Variants in RYR1 observed in about 807,000 individuals in gnomAD.
The protein encoded by RYR1 is central core disease of muscle.
In RYR1, 342 loss-of-function variants were observed where a neutral mutation model predicts 583.5. The ratio of observed to expected loss-of-function variants is 0.59; its 90% CI spans 0.54 to 0.64. The LOEUF is 0.64. Ranked by LOEUF, RYR1 falls within the 30% of genes least tolerant of loss-of-function variation. The pLI is 0.00. For synonymous variants in RYR1, 2,791 were observed against 2,822.5 expected, an observed-to-expected ratio of 0.99 and a Z score of 0.35; for missense variants, 6,032 against 6,917.2, an observed-to-expected ratio of 0.87 and a Z score of 4.54.
At chr19:38,563,139 T>C (rs1197442313) in intron 90 of RYR1, among the ~76,000 whole-genome samples, 1 of 152,194 alleles carries the variant, frequency 6.6e-6, no homozygotes, top group Non-Finnish European at 1.5e-5. Flanking sequence ...CTTAGTGCTA[T>C]TCCTCCAAAC....
intron 90 of RYR1, 31 bp from the exon 91 acceptor site, chr19:38,564,928 G>A: frequency 1.9e-6 from 3 of 1,556,590 alleles, no homozygotes; most frequent in Middle Eastern, 1.9e-4. Context: ...CGCTGACGGC[G>A]CCCTATCCTG....
At chr19:38,526,510 C>A (rs1028448900) in intron 71 of RYR1, among the ~76,000 whole-genome samples, 16 of 152,000 alleles carry the variant, frequency 1.1e-4, no homozygotes, top group Non-Finnish European at 2.1e-4. Context: ...GCTCCATGGA[C>A]CCCTCACCTT....
At chr19:38,476,327 T>C (rs186607021) in intron 29 of RYR1, among the ~76,000 whole-genome samples, 41 of 152,258 alleles carry the variant, frequency 2.7e-4, no homozygotes, top group Non-Finnish European at 4.6e-4. Flanking sequence ...GCCTCCCAAG[T>C]AGCTGGGACT....
chr19:38,486,558 G>T (rs1433590178), intron 34 of RYR1, among the ~76,000 whole-genome samples: 1 of 152,086 alleles, frequency 6.6e-6, no homozygotes, highest in Non-Finnish European at 1.5e-5. Context: ...GGCCAGGCTG[G>T]TCTCAAACTC....
At chr19:38,580,252 G>T (rs1176622765) in intron 100 of RYR1, 118 bp from the exon 101 acceptor site, 2 of 1,589,114 alleles carry the variant, frequency 1.3e-6, no homozygotes, top group East Asian at 2.2e-5. Flanking sequence ...TGAGCCGGGG[G>T]TGTGTGGGGC....
rs1969708766 is a variant in RYR1 at position 38,494,457 on chromosome 19, A to G, written c.6380A>G (p.Gln2127Arg). Residue 2127 changes from glutamine (Q) to arginine (R), a missense_variant, in exon 39 of 106, where the codon CAG (glutamine) becomes CGG (arginine). By Grantham distance (43) the Gln-to-Arg change is conservative. This residue lies in a region of RYR1 where 2,627 missense variants were observed against 2,961.3 expected (regional missense o/e 0.89). Coordinates refer to ENST00000359596, the MANE Select transcript of RYR1 (RefSeq NM_000540.3). ...VRAMFSLLHR[Q>R]YDGLGELLRA... ...GCCATGTTCAGCCTCCTGCACCGGC[A>G]GTACGACGGGCTGGGTGAGCTGCTG... 1.9e-6 allele frequency: 3 copies of G among 1,612,728 alleles called. No individual in the cohort carries two copies. The highest frequency in any genetic ancestry group is 3.3e-5 in the Admixed American group (2 of 60,006).
At chr19:38,443,356 C>T (rs1972784644) in intron 3 of RYR1, among the ~76,000 whole-genome samples, 1 of 152,180 alleles carries the variant, frequency 6.6e-6, no homozygotes, top group African/African-American at 2.4e-5. Flanking sequence ...ATAGGCATCT[C>T]AGAGATATAG....
In RYR1 at chr19:38,543,329, G is replaced by A. The variant is rs1181748283; in HGVS notation, c.11690-18G>A. ...AGCACATGGGAGGTGCTGGATAAAT[G>A]ACTTTTCATCTCCCCAGATTTCCAG... On this transcript the variant is annotated intron_variant, in intron 84 of 105. Coordinates refer to ENST00000359596, the MANE Select transcript of RYR1 (RefSeq NM_000540.3). This position sits in a 1 kb window ranked among gnomAD's most constrained non-coding sequence, Gnocchi z 4.4. 1 of 1,611,024 alleles carries A rather than the reference G, an allele frequency of 6.2e-7. No individual in the cohort carries two copies. The highest frequency in any genetic ancestry group is 2.2e-5 in the East Asian group (1 of 44,878).
rs756304123 is a variant in RYR1 at position 38,505,984 on chromosome 19, G to A, written c.8541+38G>A. The A allele has an allele frequency of 7.5e-6, 12 of 1,600,610 alleles. No individual in the cohort carries two copies. In the African/African-American group the frequency reaches 1.1e-4, roughly 14 times the overall value. ...CCTGGGTGGAGGGCAGGGGCACGAT[G>A]GGGGGAGGGTCTAGAACAAGGGGCA... On this transcript the variant is annotated intron_variant, in intron 54 of 105. Coordinates refer to ENST00000359596, the MANE Select transcript of RYR1 (RefSeq NM_000540.3).
In RYR1 at chr19:38,535,998, G is replaced by A. The variant is rs140616359; in HGVS notation, c.11518G>A (p.Val3840Ile). ...SIQALMQTCS[V>I]LDLNAFERQN... is the part of the protein sequence containing the mutation. Reference sequence around the variant, plus strand: ...CTATCTTTCCTTTCTTTTCCTCAGCGTCCTGGATCTCAATGCCTTTGAGAG... The same window carrying A: ...CTATCTTTCCTTTCTTTTCCTCAGCATCCTGGATCTCAATGCCTTTGAGAG... Residue 3840 changes from valine to isoleucine, a missense_variant and splice_region_variant, in exon 82 of 106, where the codon GTC (valine) becomes ATC (isoleucine). Val to Ile is a conservative substitution (Grantham distance 29). Around this residue, in one of 11 missense-constraint regions of RYR1, gnomAD observed 1,493 missense variants for 1,715.5 expected, o/e 0.87. Transcript: ENST00000359596. 69 of 1,613,664 alleles carry A rather than the reference G, an allele frequency of 4.3e-5. No individual in the cohort carries two copies. The highest frequency in any genetic ancestry group is 3.1e-4 in the East Asian group (14 of 44,886).
chr19:38,440,496 A>G (rs1442642519), intron 1 of RYR1, among the ~76,000 whole-genome samples: 1 of 152,168 alleles, frequency 6.6e-6, no homozygotes, highest in Non-Finnish European at 1.5e-5. Context: ...CTGAGATTGC[A>G]CCACTGTGCT....
At position 38,482,505 on chromosome 19, in the gene RYR1, C is replaced by T. The variant is rs866909876; in HGVS notation, c.4621-522C>T. On this transcript the variant is annotated intron_variant, in intron 31 of 105. Transcript: ENST00000359596. ...TTGTTCTGTCACCCAGGCTGAAGTG[C>T]GGTGGTGCAATCATGGCTCACTGCA... 2.6e-5 allele frequency among the ~76,000 whole-genome samples: 4 copies of T among 152,142 alleles called. No homozygotes were observed. In the South Asian group the frequency reaches 6.2e-4, roughly 24 times the overall value.
chr19:38,497,022 C>A, intron 42 of RYR1, 68 bp downstream of exon 42: 1 of 1,339,250 alleles, frequency 7.5e-7, no homozygotes, highest in Non-Finnish European at 1.1e-6. Flanking sequence ...CTGCTTGGGA[C>A]ACCTGCTGAT....
chr19:38,470,331 G>A (rs1463020554), intron 27 of RYR1, among the ~76,000 whole-genome samples: 3 of 151,622 alleles, frequency 2.0e-5, no homozygotes, highest in South Asian at 2.1e-4. Context: ...CCAGCCACTC[G>A]GCAAACTGAG....
intron 78 of RYR1, 60 bp from the exon 79 acceptor site, chr19:38,534,660 G>A (rs904576537): frequency 3.3e-5 from 47 of 1,444,100 alleles, no homozygotes; most frequent in Non-Finnish European, 4.2e-5. Flanking sequence ...GAGAATGTGA[G>A]GGGGAAAGGC....
chr19:38,486,435 C>T (rs1182471817), intron 34 of RYR1, among the ~76,000 whole-genome samples: 1 of 152,184 alleles, frequency 6.6e-6, no homozygotes, highest in Non-Finnish European at 1.5e-5. Flanking sequence ...CCTCCGCCTC[C>T]CAGGTTCAAG....
chr19:38,463,915 A>G (rs1967935330), intron 22 of RYR1, 65 bp downstream of exon 22: 12 of 1,189,946 alleles, frequency 1.0e-5, no homozygotes, highest in Middle Eastern at 2.0e-4. Flanking sequence ...GGAGGCATGG[A>G]GAGACAGGGC....
At chr19:38,459,029 A>G in intron 18 of RYR1, 117 bp from the exon 19 acceptor site, 4 of 900,272 alleles carry the variant, frequency 4.4e-6, no homozygotes, top group South Asian at 1.4e-5. Flanking sequence ...AGCACTTTCC[A>G]TTAGGGTTTC....
chr19:38,585,056 C>T lies in RYR1; in HGVS notation c.14760C>T (p.Thr4920=), dbSNP rs1974409676. Residue 4920 remains threonine (T), a synonymous_variant, in exon 102 of 106, where the codon ACC becomes ACT. Transcript: ENST00000359596. ...TCTACAGGGTGGTCTTCGACATCAC[C>T]TTCTTCTTCTTCGTCATCGTCATCC... ...YELYRVVFDI[T]FFFFVIVILL... 6.2e-7 allele frequency: 1 copy of T among 1,613,364 alleles called. No homozygotes were observed. The highest frequency in any genetic ancestry group is 1.7e-5 in the Admixed American group (1 of 59,956).
Sources: allele counts gnomAD v4.1 joint callset (sites outside exome capture counted in the v4.1 genomes callset), GRCh38; gene constraint gnomAD v4.1.1; regional missense constraint gnomAD v4.1.1; non-coding constraint Gnocchi (gnomAD v3.1); transcripts MANE v1.5; gene names NCBI Gene and HGNC (gene_info 2026-07-23, HGNC 2026-07-21).